The following SRGAP1 variants were observed in gnomAD, a reference collection of about 807,000 sequenced individuals.
The protein encoded by SRGAP1 is SLIT-ROBO Rho GTPase activating protein 1, also known as SLIT-ROBO Rho GTPase-activating protein 1.
In SRGAP1, 43 loss-of-function variants were observed where a neutral mutation model predicts 121.9. The ratio of observed to expected loss-of-function variants is 0.35; its 90% CI spans 0.28 to 0.46. SRGAP1 has a LOEUF of 0.46. Ranked by LOEUF, SRGAP1 falls within the 20% of genes least tolerant of loss-of-function variation. The pLI, the probability that SRGAP1 is intolerant of heterozygous loss-of-function variation, is 1.00. For synonymous variants in SRGAP1, 447 were observed against 485.4 expected (o/e 0.92, Z 1.04); for missense variants, 1,102 against 1,350.9 (o/e 0.82, Z 2.89).
Position 63,984,113 on chromosome 12 carries a change from A to G in SRGAP1, c.234A>G (p.Thr78=), listed in dbSNP as rs750301557. ...EKLAERFMAK[T]RSTKDHQQYK... is the part of the protein sequence containing the mutation. The stretch of plus-strand genomic sequence containing the variant: ...TAGCAGAAAGGTTCATGGCAAAAAC[A>G]AGAAGCACTAAGGATCATCAACAAT... The change falls in exon 2 of 22, where the codon ACA becomes ACG. Residue 78 remains threonine (T), a synonymous_variant. Coordinates refer to ENST00000355086, the MANE Select transcript of SRGAP1 (RefSeq NM_020762.4). The G allele has an allele frequency of 6.6e-5, 100 of 1,520,984 alleles. No individual in the cohort carries two copies. The highest frequency in any genetic ancestry group is 2.7e-4 in the Admixed American group (15 of 54,926). The allele number at this position is 1,520,984 out of a possible 1,614,324, so 94.2% of individuals were successfully genotyped here.
chr12:63,863,828 G>GT (rs1379476137), intron 1 of SRGAP1, among the ~76,000 whole-genome samples: 1 of 152,224 alleles, frequency 6.6e-6, no homozygotes, highest in Non-Finnish European at 1.5e-5. Context: ...AGCTCAGAGA[G>GT]ACTCCAGTGC....
rs1397321544 is a variant in SRGAP1, at chr12:64,080,369, A to C, written c.1407A>C (p.Glu469Asp). The C allele has an allele frequency of 3.1e-6, 5 of 1,612,504 alleles. No homozygotes were observed. The East Asian group carries it at 1.1e-4, about 36-fold the overall frequency. ...ACTTGCTGCAGAGGACCCTGGGAGA[A>C]GGTGAGTTATCCAAAATGTATGGGA... is the stretch of plus-strand genomic sequence containing the variant. The part of the protein sequence containing the change: ...KHDLLQRTLG[E>D]GHRAEYMTTR... The change falls in exon 10 of 22, where the codon GAA becomes GAC. Residue 469 changes from glutamate (E) to aspartate (D), a missense_variant and splice_region_variant. By Grantham distance (45) the Glu-to-Asp change is conservative. This residue lies in a region of SRGAP1 where 747 missense variants were observed against 929.4 expected (regional missense o/e 0.80). Transcript: ENST00000355086.
At chr12:63,972,116 G>A (rs1226038109) in intron 1 of SRGAP1, among the ~76,000 whole-genome samples, 1 of 152,210 alleles carries the variant, frequency 6.6e-6, no homozygotes, top group Non-Finnish European at 1.5e-5. Context: ...CACTTTGGGA[G>A]GCCGAGGTGG....
At chr12:64,113,288 G>C (rs1359451833) in intron 17 of SRGAP1, among the ~76,000 whole-genome samples, 1 of 151,942 alleles carries the variant, frequency 6.6e-6, no homozygotes, top group Admixed American at 6.6e-5. Context: ...CGTGCCTGTA[G>C]TCCCAGCTAC....
chr12:63,984,507 T>G (rs953115786), intron 2 of SRGAP1, among the ~76,000 whole-genome samples: 3 of 152,152 alleles, frequency 2.0e-5, no homozygotes, highest in Non-Finnish European at 4.4e-5. Flanking sequence ...TTTTCTCTAG[T>G]GAATTTATAT....
intron 1 of SRGAP1, among the ~76,000 whole-genome samples, chr12:63,962,527 C>G (rs1433571753): frequency 6.6e-6 from 1 of 152,092 alleles, no homozygotes; most frequent in Non-Finnish European, 1.5e-5. Flanking sequence ...CCTGCCTCGG[C>G]CTCCTGAGTA....
At chr12:63,876,421 A>T (rs1037109323) in intron 1 of SRGAP1, among the ~76,000 whole-genome samples, 1 of 152,182 alleles carries the variant, frequency 6.6e-6, no homozygotes, top group African/African-American at 2.4e-5. Context: ...CTGTAAATGA[A>T]TGTTAATCGC....
Position 64,112,020 on chromosome 12 carries a change from C to T in SRGAP1, c.2144+34C>T, listed in dbSNP as rs7133023. 6,466 of 1,532,820 alleles carry T rather than the reference C, an allele frequency of 4.2e-3. 223 individuals are homozygous for T. The African/African-American group carries it at 0.079, about 19-fold the overall frequency. 95.0% of individuals were successfully genotyped at this position (1,532,820 alleles called of 1,614,324 possible). On this transcript the variant is annotated intron_variant, in intron 17 of 21. Transcript: ENST00000355086. ...AAGAATTTTAGTCCTCCTCTCCCACCGAAAATTATGGAAATATAGCTATCA... is the reference window on the plus strand; with the variant it reads ...AAGAATTTTAGTCCTCCTCTCCCACTGAAAATTATGGAAATATAGCTATCA...
intron 1 of SRGAP1, among the ~76,000 whole-genome samples, chr12:63,969,013 G>GA (rs1287002217): frequency 6.6e-6 from 1 of 152,086 alleles, no homozygotes; most frequent in Admixed American, 6.5e-5. Flanking sequence ...ACTTCAAAGG[G>GA]AAAAAAATCG....
In SRGAP1 at chr12:64,043,500, A is replaced by T; in HGVS notation, c.726A>T (p.Glu242Asp). ...NKLKSIKARN[E>D]YLLTLEATNA... The stretch of plus-strand genomic sequence containing the variant: ...TAAAATCAATTAAGGCACGGAACGA[A>T]TATCTCCTAACACTTGAAGCCACCA... The change falls in exon 6 of 22, where the codon GAA becomes GAT. Residue 242 changes from glutamate to aspartate, a missense_variant. By Grantham distance (45) the Glu-to-Asp change is conservative. Transcript: ENST00000355086. 6.2e-7 allele frequency: 1 copy of T among 1,612,748 alleles called. No individual in the cohort carries two copies. The highest frequency in any genetic ancestry group is 1.7e-5 in the Admixed American group (1 of 59,858).
At chr12:63,897,154 A>G (rs1165728005) in intron 1 of SRGAP1, among the ~76,000 whole-genome samples, 5 of 152,222 alleles carry the variant, frequency 3.3e-5, no homozygotes, top group African/African-American at 1.2e-4. Context: ...TGTGATGCAA[A>G]TGGAACCATT....
intron 1 of SRGAP1, among the ~76,000 whole-genome samples, chr12:63,898,657 T>C (rs1900831957): frequency 6.6e-6 from 1 of 152,342 alleles, no homozygotes; most frequent in East Asian, 1.9e-4. Flanking sequence ...CTGGAATCAT[T>C]TGAAATGATA....
intron 18 of SRGAP1, among the ~76,000 whole-genome samples, chr12:64,123,391 A>C (rs1259914063): frequency 2.0e-5 from 3 of 152,148 alleles, no homozygotes; most frequent in East Asian, 1.9e-4. Flanking sequence ...TGGGGTGTTT[A>C]TTTCTTTTTC....
intron 1 of SRGAP1, among the ~76,000 whole-genome samples, chr12:63,977,808 A>T (rs546853265): frequency 1.0e-4 from 15 of 147,836 alleles, no homozygotes; most frequent in East Asian, 5.8e-4. Flanking sequence ...ATAGTCATTT[A>T]AAAAAAAACA....
chr12:63,918,582 A>G (rs4303316), intron 1 of SRGAP1, among the ~76,000 whole-genome samples: 1,652 of 152,118 alleles, frequency 0.011, 30 homozygotes, highest in African/African-American at 0.037. Flanking sequence ...ATGCCCAGTT[A>G]ATTTGTGTAT....
rs2037054100 is a variant in SRGAP1 at position 64,146,466 on chromosome 12, C to G, written c.*3794C>G. 6.6e-6 allele frequency: 1 copy of G among 152,108 alleles called. No homozygotes were observed. The highest frequency in any genetic ancestry group is 2.4e-5 in the African/African-American group (1 of 41,418). 9.4% of individuals were successfully genotyped at this position (152,108 alleles called of 1,614,324 possible). On this transcript the variant is annotated 3_prime_UTR_variant, in exon 22 of 22. Coordinates refer to ENST00000355086, the MANE Select transcript of SRGAP1 (RefSeq NM_020762.4). ...TCCTTAACATTTAGGAATGACATAG[C>G]CTCTGGAGTCTACAAACTGAAGAAA...
In SRGAP1 at chr12:64,148,641, A is replaced by G. The variant is rs1321948905; in HGVS notation, c.*5969A>G. The G allele has an allele frequency of 6.6e-6, 1 of 152,204 alleles. No homozygotes were observed. The highest frequency in any genetic ancestry group is 1.5e-5 in the Non-Finnish European group (1 of 68,032). The allele number at this position is 152,204 out of a possible 1,614,324, so 9.4% of individuals were successfully genotyped here. On this transcript the variant is annotated 3_prime_UTR_variant, in exon 22 of 22. Coordinates refer to ENST00000355086, the MANE Select transcript of SRGAP1 (RefSeq NM_020762.4). ...AACTTGAGGTCTAGCAATATGTAGT[A>G]GATAGCTTTGTAAAACAATGTAAGT...
intron 1 of SRGAP1, among the ~76,000 whole-genome samples, chr12:63,909,684 C>T (rs974791735): frequency 6.6e-6 from 1 of 152,192 alleles, no homozygotes; most frequent in African/African-American, 2.4e-5. Context: ...ATCTTGGAAC[C>T]AATTTATTCT....
intron 1 of SRGAP1, among the ~76,000 whole-genome samples, chr12:63,965,841 G>A (rs1455036238): frequency 6.6e-6 from 1 of 151,966 alleles, no homozygotes; most frequent in Non-Finnish European, 1.5e-5. Flanking sequence ...TGTTTGAGAT[G>A]GAGTTTCACT....
Sources: gnomAD v4.1 joint callset for allele counts (sites outside exome capture counted in the v4.1 genomes callset) on GRCh38, gnomAD v4.1.1 for gene constraint, gnomAD v4.1.1 regional missense constraint, MANE v1.5 for transcripts, NCBI Gene and HGNC (gene_info 2026-07-23, HGNC 2026-07-21) for gene names.